Variants in CHRM3 observed in about 807,000 individuals in gnomAD.
CHRM3 encodes cholinergic receptor muscarinic 3.
CHRM3 carries 11 observed loss-of-function variants against 41.8 expected under a neutral mutation model. The observed-to-expected ratio is 0.26, with a 90% CI of 0.17 to 0.44. CHRM3 has a LOEUF of 0.44. Ranked by LOEUF, CHRM3 falls within the 20% of genes least tolerant of loss-of-function variation. CHRM3 has a pLI of 1.00. For synonymous variants in CHRM3, 297 were observed against 301.4 expected (o/e 0.99, Z 0.15); for missense variants, 571 against 745.4 (o/e 0.77, Z 2.72).
intron 3 of CHRM3, among the ~76,000 whole-genome samples, chr1:239,566,204 C>T (rs184590356): frequency 4.1e-4 from 62 of 152,264 alleles, no homozygotes; most frequent in Admixed American, 1.8e-3. Flanking sequence ...TGAGCCATCA[C>T]GCCCGGCCTC....
At chr1:239,512,259 G>A (rs922412296) in intron 2 of CHRM3, among the ~76,000 whole-genome samples, 4 of 152,216 alleles carry the variant, frequency 2.6e-5, no homozygotes, top group African/African-American at 9.6e-5. Context: ...GCTGCAGGTC[G>A]AGTTCAGGGC....
At chr1:239,650,904 T>C (rs1002413215) in intron 4 of CHRM3, among the ~76,000 whole-genome samples, 1 of 152,228 alleles carries the variant, frequency 6.6e-6, no homozygotes, top group Admixed American at 6.5e-5. Flanking sequence ...CACATTAATA[T>C]ATGTAAATAT....
rs546780868 is a variant in CHRM3, at chr1:239,735,445, T to G, written c.-147+57157T>G. On this transcript the variant is annotated intron_variant, in intron 5 of 6. Coordinates refer to ENST00000676153, the MANE Select transcript of CHRM3 (RefSeq NM_001375978.1). The stretch of plus-strand genomic sequence containing the variant: ...GCAATTTTTTTTCCTGCTTTTATTA[T>G]TTATTCTTTTAAAATGGTAAGCCAA... 2.0e-4 allele frequency among the ~76,000 whole-genome samples: 30 copies of G among 152,266 alleles called. 1 individual carries two copies. In the South Asian group the frequency reaches 6.0e-3, roughly 31 times the overall value.
chr1:239,652,445 T>C lies in CHRM3; in HGVS notation c.-250+20159T>C, dbSNP rs145584177. On this transcript the variant is annotated intron_variant, in intron 4 of 6. Coordinates refer to ENST00000676153, the MANE Select transcript of CHRM3 (RefSeq NM_001375978.1). ...CATAGGTACCTCATAAATACTACTA[T>C]GAGAGATAAATAAGATAGTTACATA... Among the ~76,000 whole-genome samples the C allele has an allele frequency of 3.3e-3, 495 of 152,196 alleles. 3 individuals are homozygous for C. The highest frequency in any genetic ancestry group is 0.011 in the African/African-American group (471 of 41,448).
chr1:239,585,845 A>G (rs913251238), intron 3 of CHRM3, among the ~76,000 whole-genome samples: 1 of 152,234 alleles, frequency 6.6e-6, no homozygotes, highest in South Asian at 2.1e-4. Context: ...AGAAAAACAA[A>G]TAGATGAATA....
At chr1:239,694,570 G>A (rs1660007280) in intron 5 of CHRM3, among the ~76,000 whole-genome samples, 1 of 152,204 alleles carries the variant, frequency 6.6e-6, no homozygotes, top group Admixed American at 6.5e-5. Context: ...GCTGTTTGGT[G>A]TATAACAGTA....
intron 6 of CHRM3, among the ~76,000 whole-genome samples, chr1:239,902,849 A>G (rs1679685315): frequency 6.6e-6 from 1 of 152,164 alleles, no homozygotes; most frequent in Non-Finnish European, 1.5e-5. Flanking sequence ...TTTCCCTCTA[A>G]TGGTTCTTGT....
At chr1:239,474,909 A>G (rs898423599) in intron 1 of CHRM3, among the ~76,000 whole-genome samples, 2 of 152,126 alleles carry the variant, frequency 1.3e-5, no homozygotes, top group African/African-American at 2.4e-5. Context: ...GTTTACATCA[A>G]ACAAAAATAA....
chr1:239,583,975 A>G (rs756650813), intron 3 of CHRM3, among the ~76,000 whole-genome samples: 3 of 152,090 alleles, frequency 2.0e-5, no homozygotes, highest in Non-Finnish European at 4.4e-5. Flanking sequence ...AATAGAAAAT[A>G]CCTGCTTTGC....
chr1:239,768,195 A>G (rs955066578), intron 5 of CHRM3, among the ~76,000 whole-genome samples: 3 of 152,220 alleles, frequency 2.0e-5, no homozygotes, highest in Non-Finnish European at 4.4e-5. Flanking sequence ...AGAATAGAGT[A>G]TGCCCAATTT....
rs138588359 is a variant in CHRM3, at chr1:239,479,713, G to C, written c.-520-12996G>C. The stretch of plus-strand genomic sequence containing the variant: ...TGCTGTAAGCAATTGTAACACAATG[G>C]TAAGTATCTGTGTATCTCAACATAG... On this transcript the variant is annotated intron_variant, in intron 1 of 6. Coordinates refer to ENST00000676153, the MANE Select transcript of CHRM3 (RefSeq NM_001375978.1). Among the ~76,000 whole-genome samples the C allele has an allele frequency of 2.5e-3, 379 of 152,254 alleles. 1 individual carries two copies. Among genetic ancestry groups the C allele is most frequent in the African/African-American group, 8.8e-3 (364 of 41,548 alleles).
intron 3 of CHRM3, among the ~76,000 whole-genome samples, chr1:239,551,419 C>G (rs1426028392): frequency 6.6e-6 from 1 of 151,612 alleles, no homozygotes; most frequent in Admixed American, 6.6e-5. Context: ...ACCTCAACCT[C>G]CCAAAGTGCT....
At chr1:239,590,110 A>G (rs374130094) in intron 3 of CHRM3, among the ~76,000 whole-genome samples, 1 of 152,144 alleles carries the variant, frequency 6.6e-6, no homozygotes, top group Non-Finnish European at 1.5e-5. Context: ...GGTCACCTTC[A>G]TAGATCATCT....
rs554676936 is a variant in CHRM3 at position 239,901,334 on chromosome 1, T to C, written c.-19-6099T>C. Among the ~76,000 whole-genome samples the C allele has an allele frequency of 5.0e-5, 7 of 139,296 alleles. No individual in the cohort carries two copies. In the East Asian group the frequency reaches 1.2e-3, roughly 23 times the overall value. 91.4% of individuals were successfully genotyped at this position (139,296 alleles called of 152,430 possible). On this transcript the variant is annotated intron_variant, in intron 6 of 6. Coordinates refer to ENST00000676153, the MANE Select transcript of CHRM3 (RefSeq NM_001375978.1). ...CTTCTGGCTTCGGAAACTTTGGGAT[T>C]TTTTTTTTTTTCCTCATTCGGGACA...
At chr1:239,619,859 G>GAGAGGCTA (rs1184975216) in intron 3 of CHRM3, among the ~76,000 whole-genome samples, 4 of 152,192 alleles carry the variant, frequency 2.6e-5, no homozygotes, top group African/African-American at 9.6e-5. Flanking sequence ...GGGAGAGGCT[G>GAGAGGCTA]AGATTCATGG....
At chr1:239,783,756 A>C (rs1259582594) in intron 5 of CHRM3, among the ~76,000 whole-genome samples, 1 of 152,184 alleles carries the variant, frequency 6.6e-6, no homozygotes, top group Non-Finnish European at 1.5e-5. Context: ...CAGGTTTGTC[A>C]CATGAATAAG....
intron 5 of CHRM3, among the ~76,000 whole-genome samples, chr1:239,732,120 T>C (rs1381626415): frequency 6.6e-6 from 1 of 151,994 alleles, no homozygotes; most frequent in African/African-American, 2.4e-5. Context: ...CTCCTATCCA[T>C]ACACTGATGA....
chr1:239,704,753 A>G (rs994914894), intron 5 of CHRM3: 1 of 152,212 alleles, frequency 6.6e-6, no homozygotes, highest in Non-Finnish European at 1.5e-5. Context: ...TAATATTTAT[A>G]ATAAAGATAC....
At chr1:239,445,266 C>T (rs1285640521) in intron 1 of CHRM3, among the ~76,000 whole-genome samples, 1 of 152,054 alleles carries the variant, frequency 6.6e-6, no homozygotes, top group African/African-American at 2.4e-5. Flanking sequence ...ATACCAGGAG[C>T]CAGGTGTTAC....
Sources: gnomAD v4.1 joint callset for allele counts (sites outside exome capture counted in the v4.1 genomes callset) on GRCh38, gnomAD v4.1.1 for gene constraint, MANE v1.5 for transcripts, NCBI Gene and HGNC (gene_info 2026-07-23, HGNC 2026-07-21) for gene names.